The following IKBKG variants were observed in gnomAD, a reference collection of about 807,000 sequenced individuals.
The protein encoded by IKBKG is NF-kappa-B essential modulator.
Under a neutral mutation model 13.7 loss-of-function variants are expected in IKBKG, and 2 were observed. The observed-to-expected ratio is 0.15, with a 90% CI of 0.06 to 0.46. IKBKG has a LOEUF of 0.46. Among genes scored for constraint, IKBKG ranks in the 20% least tolerant of loss-of-function variants. IKBKG has a pLI of 0.98. For missense variants in IKBKG, 53 were observed against 150.3 expected (o/e 0.35, Z 3.39); for synonymous variants, 22 against 64.4 (o/e 0.34, Z 3.15).
At chrX:154,545,219 G>A (rs782525214), upstream of IKBKG, among the ~76,000 whole-genome samples, 2 of 111,313 alleles carry the variant, frequency 1.8e-5, no homozygotes, top group South Asian at 3.8e-4. Flanking sequence ...AGTGCAGAAT[G>A]GCGGTTCTAC....
At chrX:154,555,424 A>G (rs1413815737) in intron 2 of IKBKG, among the ~76,000 whole-genome samples, 2 of 112,520 alleles carry the variant, frequency 1.8e-5, no homozygotes, top group African/African-American at 6.5e-5. Context: ...AAGTGGCATA[A>G]GGCCAGGCAC....
At chrX:154,551,360 C>T (rs1174916802) in intron 1 of IKBKG, among the ~76,000 whole-genome samples, 1 of 111,007 alleles carries the variant, frequency 9.0e-6, no homozygotes, top group Admixed American at 9.6e-5. Flanking sequence ...TCCCAAGCTT[C>T]TGCCCCATTT....
intron 1 of IKBKG, among the ~76,000 whole-genome samples, chrX:154,549,206 C>T (rs1394407417): frequency 9.2e-6 from 1 of 109,075 alleles, no homozygotes; most frequent in Non-Finnish European, 1.9e-5. Flanking sequence ...TGGTCTTGAT[C>T]TCTTGACCTT....
upstream of IKBKG, chrX:154,546,014 T>C (rs200481330): frequency 1.8e-4 from 219 of 1,207,008 alleles, no homozygotes; most frequent in Non-Finnish European, 2.1e-4. Flanking sequence ...GCTTTTAAGA[T>C]TGGGGCCTGG....
upstream of IKBKG, chrX:154,546,919 C>G (rs1357911756): frequency 2.4e-5 from 17 of 703,187 alleles, no homozygotes; most frequent in Non-Finnish European, 3.2e-5. Flanking sequence ...GGACCCGCCT[C>G]AGGCGAGGCG....
intron 2 of IKBKG, among the ~76,000 whole-genome samples, chrX:154,553,027 TAA>T (rs1308929124): frequency 4.4e-5 from 5 of 112,627 alleles, no homozygotes; most frequent in Non-Finnish European, 9.4e-5. Flanking sequence ...GGGGGCCTTC[TAA>T]GCCTCGGGTC....
upstream of IKBKG, among the ~76,000 whole-genome samples, chrX:154,544,755 G>A (rs1025191953): frequency 2.7e-5 from 3 of 111,736 alleles, no homozygotes; most frequent in South Asian, 3.7e-4. Context: ...CTTCTCCCTC[G>A]GCTGCCTCCT....
intron 2 of IKBKG, among the ~76,000 whole-genome samples, 153 bp downstream of exon 2, chrX:154,552,342 A>G (rs143379366): frequency 9.0e-6 from 1 of 111,562 alleles, no homozygotes; most frequent in Non-Finnish European, 1.9e-5. Context: ...GCGGGGAGGA[A>G]GTTTAGCATG....
rs782606162 is a variant in IKBKG at position 154,541,636 on chromosome X, T to C, written c.-187+245T>C. Reference sequence around the variant, plus strand: ...TGGGTGGGGGCAATTCAAGGGGTCCTTAGTGAAAAGCAGTTGGGAGCTTCT... The same window carrying C: ...TGGGTGGGGGCAATTCAAGGGGTCCCTAGTGAAAAGCAGTTGGGAGCTTCT... On this transcript the variant is annotated intron_variant, in intron 1 of 10. Coordinates refer to the IKBKG transcript ENST00000422680. Among the ~76,000 whole-genome samples, 4 of 111,724 alleles carry C rather than the reference T, an allele frequency of 3.6e-5. No homozygotes were observed. In the South Asian group the frequency reaches 1.5e-3, roughly 42 times the overall value.
At chrX:154,552,240 C>G (rs2070954395) in intron 2 of IKBKG, 51 bp downstream of exon 2, 1 of 1,056,988 alleles carries the variant, frequency 9.5e-7, no homozygotes, top group South Asian at 2.2e-5. Context: ...GGCGTCTTCT[C>G]CCCACCTGCA....
chrX:154,545,548 C>A (rs782147928), upstream of IKBKG, among the ~76,000 whole-genome samples: 50 of 111,798 alleles, frequency 4.5e-4, no homozygotes, highest in African/African-American at 1.3e-3. Context: ...TCAGAAACGT[C>A]CTGCAGCCGG....
At chrX:154,541,688 T>C (rs1442888993) in intron 1 of IKBKG, among the ~76,000 whole-genome samples, 1 of 112,208 alleles carries the variant, frequency 8.9e-6, no homozygotes, top group Non-Finnish European at 1.9e-5. Flanking sequence ...TCCTCTTTCC[T>C]GAGGACCACA....
upstream of IKBKG, among the ~76,000 whole-genome samples, chrX:154,544,586 T>C (rs1471440041): frequency 1.8e-5 from 2 of 112,432 alleles, no homozygotes; most frequent in Admixed American, 9.4e-5. Context: ...TGAGCCACCG[T>C]GCCCGGCCAG....
At chrX:154,543,728 C>A (rs370504763), upstream of IKBKG, among the ~76,000 whole-genome samples, 2 of 110,488 alleles carry the variant, frequency 1.8e-5, no homozygotes, top group East Asian at 5.7e-4. Flanking sequence ...CTCACTCACT[C>A]CGTCACCCAG....
At chrX:154,559,193 TA>T (rs2071093870) in intron 4 of IKBKG, among the ~76,000 whole-genome samples, 2 of 105,588 alleles carry the variant, frequency 1.9e-5, no homozygotes, top group African/African-American at 7.5e-5. Context: ...GGCAGGTACC[TA>T]AATCCCCGAC....
chrX:154,554,427 T>A (rs1169463320), intron 2 of IKBKG, among the ~76,000 whole-genome samples: 1 of 112,318 alleles, frequency 8.9e-6, no homozygotes, highest in African/African-American at 3.2e-5. Context: ...GAATTTGATG[T>A]CATGTGAATT....
At chrX:154,541,960 G>A (rs917302558) in intron 1 of IKBKG, among the ~76,000 whole-genome samples, 16 of 112,334 alleles carry the variant, frequency 1.4e-4, no homozygotes, top group African/African-American at 4.2e-4. Flanking sequence ...CAGACTCCCT[G>A]GGTGGAGCCC....
At position 154,551,650 on chromosome X, in the gene IKBKG, C is replaced by T. The variant is rs782002060; in HGVS notation, c.-15-338C>T. On this transcript the variant is annotated intron_variant, in intron 1 of 9. Coordinates refer to ENST00000594239, the MANE Select transcript of IKBKG (RefSeq NM_001099857.5). ...ACACTGGATGAGGGGCCGGTACCCTCCACTTCTCCTGCTTGGAGGTGTGTA... is the reference window on the plus strand; with the variant it reads ...ACACTGGATGAGGGGCCGGTACCCTTCACTTCTCCTGCTTGGAGGTGTGTA... Among the ~76,000 whole-genome samples the T allele has an allele frequency of 2.7e-5, 3 of 111,645 alleles. No homozygotes were observed. In the South Asian group the frequency reaches 1.1e-3, roughly 42 times the overall value.
intron 1 of IKBKG, among the ~76,000 whole-genome samples, chrX:154,548,994 C>CTTTTTTTTT (rs1329510045): frequency 1.1e-5 from 1 of 94,059 alleles, no homozygotes; most frequent in Non-Finnish European, 2.1e-5. Context: ...TTCTTTCTTT[C>CTTTTTTTTT]TTTTTTTTTT....
Sources: gnomAD v4.1 joint callset for allele counts (sites outside exome capture counted in the v4.1 genomes callset) on GRCh38, gnomAD v4.1.1 for gene constraint, MANE v1.5 for transcripts, NCBI Gene and HGNC (gene_info 2026-07-23, HGNC 2026-07-21) for gene names.